Variants in ERC2 observed in about 807,000 individuals in gnomAD.
ERC2 encodes the protein ERC protein 2.
ERC2 carries 42 observed loss-of-function variants against 114.8 expected under a neutral mutation model. The observed-to-expected ratio is 0.37, with a 90% CI of 0.29 to 0.47. The LOEUF (loss-of-function observed/expected upper bound fraction) is 0.47. Among genes scored for constraint, ERC2 ranks in the 20% least tolerant of loss-of-function variants. The pLI, the probability that ERC2 is intolerant of heterozygous loss-of-function variation, is 0.99. For synonymous variants in ERC2, 454 were observed against 425.5 expected (o/e 1.07, Z -0.82); for missense variants, 939 against 1,150.7 (o/e 0.82, Z 2.66).
chr3:56,180,699 G>T (rs1372451606), intron 3 of ERC2, among the ~76,000 whole-genome samples: 2 of 152,120 alleles, frequency 1.3e-5, no homozygotes, highest in African/African-American at 2.4e-5. Context: ...TTTCAGTTTT[G>T]CAAGATGAAA....
intron 14 of ERC2, among the ~76,000 whole-genome samples, chr3:55,839,494 G>A (rs560348479): frequency 6.6e-6 from 1 of 151,816 alleles, no homozygotes; most frequent in African/African-American, 2.4e-5. Context: ...TAATAAAAAT[G>A]TATTGTGGGG....
chr3:56,040,675 G>GATGTATATGTATAT (rs2075126400), intron 7 of ERC2, among the ~76,000 whole-genome samples: 6 of 29,062 alleles, frequency 2.1e-4, no homozygotes, highest in East Asian at 1.6e-3. Context: ...TATATAGATA[G>GATGTATATGTATAT]ATACATATAT....
intron 14 of ERC2, among the ~76,000 whole-genome samples, chr3:55,799,263 G>T (rs2070776606): frequency 6.6e-6 from 1 of 151,702 alleles, no homozygotes; most frequent in South Asian, 2.1e-4. Context: ...TGACTTCTCT[G>T]ACTTTGAAGA....
intron 3 of ERC2, among the ~76,000 whole-genome samples, chr3:56,179,033 C>T (rs1452352164): frequency 6.8e-6 from 1 of 147,908 alleles, no homozygotes; most frequent in East Asian, 2.0e-4. Flanking sequence ...ATAAAATACA[C>T]TAACACTAAT....
At chr3:56,206,027 A>G (rs1249538311) in intron 3 of ERC2, among the ~76,000 whole-genome samples, 1 of 152,170 alleles carries the variant, frequency 6.6e-6, no homozygotes, top group Non-Finnish European at 1.5e-5. Flanking sequence ...CTGTGACTGT[A>G]AGTTCATGAT....
chr3:56,234,160 C>T (rs1461703752), intron 3 of ERC2, among the ~76,000 whole-genome samples: 1 of 152,180 alleles, frequency 6.6e-6, no homozygotes, highest in Non-Finnish European at 1.5e-5. Flanking sequence ...AATTCTATAT[C>T]TTAGAGAATC....
At chr3:55,635,541 C>T (rs1336197807) in intron 17 of ERC2, among the ~76,000 whole-genome samples, 7 of 152,006 alleles carry the variant, frequency 4.6e-5, no homozygotes, top group African/African-American at 1.7e-4. Flanking sequence ...TAGACGTCCG[C>T]CACCACTCCT....
chr3:56,302,348 T>C (rs1453098484), intron 2 of ERC2, among the ~76,000 whole-genome samples: 2 of 152,184 alleles, frequency 1.3e-5, no homozygotes, highest in Admixed American at 6.5e-5. Flanking sequence ...GGATGAGAGA[T>C]ACCTAAGTCA....
At chr3:56,440,340 G>A (rs1470242291) in intron 1 of ERC2, among the ~76,000 whole-genome samples, 10 of 152,188 alleles carry the variant, frequency 6.6e-5, no homozygotes, top group Admixed American at 1.3e-4. Flanking sequence ...TCAGGAGATC[G>A]AGACCATCCT....
At chr3:56,423,402 T>A (rs1397312327) in intron 2 of ERC2, among the ~76,000 whole-genome samples, 1 of 152,252 alleles carries the variant, frequency 6.6e-6, no homozygotes, top group Non-Finnish European at 1.5e-5. Context: ...GCAGCACCCC[T>A]GCTCTCTACT....
intron 7 of ERC2, among the ~76,000 whole-genome samples, chr3:56,046,054 G>A (rs1402402211): frequency 2.0e-5 from 3 of 152,164 alleles, no homozygotes; most frequent in Non-Finnish European, 4.4e-5. Context: ...GATCCAGGGA[G>A]AGGTATGGTA....
intron 12 of ERC2, chr3:55,955,187 G>A (rs1276151404): frequency 1.9e-6 from 1 of 514,882 alleles, no homozygotes. Context: ...GGTCATGACT[G>A]AAGAAGGGAA....
intron 15 of ERC2, 118 bp downstream of exon 15, chr3:55,734,653 G>A (rs1321771956): frequency 7.8e-7 from 1 of 1,287,030 alleles, no homozygotes; most frequent in Non-Finnish European, 1.1e-6. Context: ...CTCCTACCTG[G>A]TTTTAGGAGC....
At chr3:55,807,302 G>T (rs193248495) in intron 14 of ERC2, among the ~76,000 whole-genome samples, 2 of 152,158 alleles carry the variant, frequency 1.3e-5, no homozygotes, top group African/African-American at 2.4e-5. Flanking sequence ...GACTATGTTC[G>T]TGCCAATATA....
intron 7 of ERC2, among the ~76,000 whole-genome samples, chr3:56,070,393 G>A (rs149990055): frequency 2.0e-4 from 30 of 152,152 alleles, no homozygotes; most frequent in African/African-American, 3.9e-4. Context: ...GGTAGCAGCC[G>A]TGGTCAGGGC....
At chr3:56,051,840 C>T (rs1223780347) in intron 7 of ERC2, among the ~76,000 whole-genome samples, 2 of 111,890 alleles carry the variant, frequency 1.8e-5, no homozygotes, top group Non-Finnish European at 3.5e-5. Flanking sequence ...CACACACACA[C>T]ACACACACAC....
chr3:56,007,345 A>G (rs1321636620), intron 9 of ERC2, 24 bp from the exon 10 acceptor site: 1 of 1,579,242 alleles, frequency 6.3e-7, no homozygotes, highest in Admixed American at 1.8e-5. Flanking sequence ...AATGTGAGTG[A>G]GTAAAACACT....
intron 3 of ERC2, among the ~76,000 whole-genome samples, chr3:56,204,476 C>CTCTTATTTTA (rs1553876368): frequency 7.5e-6 from 1 of 132,862 alleles, no homozygotes; most frequent in African/African-American, 2.8e-5. Flanking sequence ...TAATTAGATG[C>CTCTTATTTTA]TTTTATTTTA....
intron 17 of ERC2, among the ~76,000 whole-genome samples, chr3:55,673,894 AAAG>A (rs1422192175): frequency 6.6e-6 from 1 of 151,828 alleles, no homozygotes; most frequent in Admixed American, 6.6e-5. Flanking sequence ...AGGTGCACAG[AAAG>A]AAGAACAGCA....
Sources: allele counts gnomAD v4.1 joint callset (sites outside exome capture counted in the v4.1 genomes callset), GRCh38; gene constraint gnomAD v4.1.1; transcripts MANE v1.5; gene names NCBI Gene and HGNC (gene_info 2026-07-23, HGNC 2026-07-21).